The following OPCML variants were observed in gnomAD, a reference collection of about 807,000 sequenced individuals.
OPCML encodes opioid-binding protein/cell adhesion molecule.
A neutral mutation model predicts 37.8 loss-of-function variants in OPCML; 13 were observed. The observed-to-expected ratio is 0.34, with a 90% CI of 0.22 to 0.55. The LOEUF (loss-of-function observed/expected upper bound fraction) is 0.55, where lower values mean the gene tolerates loss of function less well. OPCML is among the 20% of genes least tolerant of loss of function. OPCML has a pLI of 0.91. For missense variants in OPCML, 341 were observed against 435.6 expected, an observed-to-expected ratio of 0.78 and a Z score of 1.93; for synonymous variants, 176 against 168.8, an observed-to-expected ratio of 1.04 and a Z score of -0.33.
chr11:132,702,069 CTAT>C (rs1422774284), intron 2 of OPCML, among the ~76,000 whole-genome samples: 1 of 152,098 alleles, frequency 6.6e-6, no homozygotes, highest in Non-Finnish European at 1.5e-5. Flanking sequence ...TGTCTCTGAA[CTAT>C]TATACTAGAG....
intron 1 of OPCML, among the ~76,000 whole-genome samples, chr11:133,147,839 T>C (rs966437419): frequency 3.9e-5 from 6 of 152,156 alleles, no homozygotes; most frequent in Admixed American, 3.3e-4. Context: ...ACTCAGCTAG[T>C]TCATAACCTC....
chr11:133,193,584 C>T (rs1938412153), intron 1 of OPCML, among the ~76,000 whole-genome samples: 1 of 152,114 alleles, frequency 6.6e-6, no homozygotes, highest in South Asian at 2.1e-4. Flanking sequence ...AATTCAAATA[C>T]TTTCTTTCAT....
intron 1 of OPCML, among the ~76,000 whole-genome samples, chr11:133,382,965 GCA>G (rs1369459550): frequency 6.6e-6 from 1 of 152,156 alleles, no homozygotes; most frequent in Admixed American, 6.5e-5. Context: ...CAGAGTAATG[GCA>G]CAGACATGTG....
intron 2 of OPCML, among the ~76,000 whole-genome samples, chr11:132,670,543 T>TGTA (rs1555172260): frequency 6.6e-6 from 1 of 152,198 alleles, no homozygotes; most frequent in African/African-American, 2.4e-5. Context: ...GCTTTTATTC[T>TGTA]GTCCATAAAA....
At chr11:133,011,910 G>A (rs1489885641) in intron 1 of OPCML, among the ~76,000 whole-genome samples, 13 of 152,192 alleles carry the variant, frequency 8.5e-5, no homozygotes. Context: ...ATGGTTGCTA[G>A]TGCTGCCATT....
chr11:132,632,420 C>G (rs1051496862), intron 3 of OPCML, among the ~76,000 whole-genome samples: 2 of 152,024 alleles, frequency 1.3e-5, no homozygotes, highest in Non-Finnish European at 2.9e-5. Context: ...GGAGGTGACA[C>G]TATTTCCATG....
intron 3 of OPCML, among the ~76,000 whole-genome samples, chr11:132,599,906 G>A (rs896327122): frequency 6.6e-6 from 1 of 152,104 alleles, no homozygotes; most frequent in Admixed American, 6.6e-5. Context: ...GACGCTTTTG[G>A]ATAATCTCAA....
At chr11:133,038,077 C>T (rs1201841873) in intron 1 of OPCML, among the ~76,000 whole-genome samples, 1 of 152,228 alleles carries the variant, frequency 6.6e-6, no homozygotes, top group Non-Finnish European at 1.5e-5. Flanking sequence ...CCACTCTTGG[C>T]CCATATCTCT....
At chr11:133,519,482 C>G (rs766264182) in intron 1 of OPCML, among the ~76,000 whole-genome samples, 10 of 152,070 alleles carry the variant, frequency 6.6e-5, no homozygotes, top group Non-Finnish European at 1.0e-4. Flanking sequence ...CACTCTGTTC[C>G]CAGATGTCAC....
chr11:132,600,197 CA>C (rs553902990), intron 3 of OPCML, among the ~76,000 whole-genome samples: 4 of 152,118 alleles, frequency 2.6e-5, no homozygotes, highest in Admixed American at 6.5e-5. Flanking sequence ...AGAACCAGGA[CA>C]AAAAGCTTAA....
rs1275349584 is a variant in OPCML at position 133,458,523 on chromosome 11, CTG to C, written c.61+73739_61+73740del. Among the ~76,000 whole-genome samples, 27 of 94,300 alleles carry C rather than the reference CTG, an allele frequency of 2.9e-4. 1 individual carries two copies. Among genetic ancestry groups the C allele is most frequent in the South Asian group, 1.2e-3 (4 of 3,416 alleles). The allele number at this position is 94,300 out of a possible 152,430, so 61.9% of individuals were successfully genotyped here. A position where few individuals can be genotyped will look rare whatever the true frequency, so the allele number is the denominator to read the frequency against. ...GTGTGTGTATATACACATATATACA[CTG>C]TGTGTGTATACACATATATACACGT... On this transcript the variant is annotated intron_variant, in intron 1 of 7. Transcript: ENST00000524381.
In OPCML at chr11:132,431,503, C is replaced by T. The variant is rs3781632; in HGVS notation, c.916+4583G>A. ...AGTTGGCGCTCTGCCTAGCTGACCACTCTGTCCTTGTGGCTCTGTGTGGGG... is the reference window on the plus strand; with the variant it reads ...AGTTGGCGCTCTGCCTAGCTGACCATTCTGTCCTTGTGGCTCTGTGTGGGG... On this transcript the variant is annotated intron_variant, in intron 7 of 7. Transcript: ENST00000524381. Among the ~76,000 whole-genome samples the T allele has an allele frequency of 2.2e-4, 33 of 152,248 alleles. No homozygotes were observed. The East Asian group carries it at 6.0e-3, about 28-fold the overall frequency.
intron 1 of OPCML, among the ~76,000 whole-genome samples, chr11:133,481,782 A>G (rs1565658241): frequency 6.6e-6 from 1 of 152,244 alleles, no homozygotes; most frequent in Non-Finnish European, 1.5e-5. Flanking sequence ...CAGTGTTCAT[A>G]ACCTTTAAAC....
intron 1 of OPCML, among the ~76,000 whole-genome samples, chr11:133,519,647 C>T (rs1026590189): frequency 2.0e-5 from 3 of 152,212 alleles, no homozygotes; most frequent in Non-Finnish European, 2.9e-5. Flanking sequence ...TGTTTCTGCT[C>T]TTCAGCCACA....
At chr11:133,275,495 A>G (rs552182547) in intron 1 of OPCML, among the ~76,000 whole-genome samples, 1 of 152,152 alleles carries the variant, frequency 6.6e-6, no homozygotes, top group African/African-American at 2.4e-5. Flanking sequence ...CATTCCTCAC[A>G]GGCGTGGGAC....
At chr11:133,406,583 A>T (rs1037941644) in intron 1 of OPCML, among the ~76,000 whole-genome samples, 1 of 152,214 alleles carries the variant, frequency 6.6e-6, no homozygotes, top group African/African-American at 2.4e-5. Context: ...CATTGGATAA[A>T]TGCTGTCAGG....
chr11:132,841,797 G>T (rs1941297148), intron 2 of OPCML, among the ~76,000 whole-genome samples: 1 of 128,744 alleles, frequency 7.8e-6, no homozygotes, highest in African/African-American at 3.0e-5. Context: ...GGAGCAAGAG[G>T]TTTCAGTGAA....
intron 3 of OPCML, among the ~76,000 whole-genome samples, chr11:132,574,207 G>A (rs181293690): frequency 1.1e-4 from 14 of 130,858 alleles, no homozygotes; most frequent in African/African-American, 3.2e-4. Flanking sequence ...TATTTCTACC[G>A]TTTTTCTATT....
chr11:132,503,004 G>A (rs2096248895), intron 4 of OPCML, among the ~76,000 whole-genome samples: 1 of 152,134 alleles, frequency 6.6e-6, no homozygotes, highest in South Asian at 2.1e-4. Context: ...TTACAGATGA[G>A]AACTAGAGGC....
Sources: allele counts gnomAD v4.1 joint callset (sites outside exome capture counted in the v4.1 genomes callset), GRCh38; gene constraint gnomAD v4.1.1; transcripts MANE v1.5; gene names NCBI Gene and HGNC (gene_info 2026-07-23, HGNC 2026-07-21).